The following SLCO6A1 variants were observed in gnomAD, a reference collection of about 807,000 sequenced individuals.
SLCO6A1 encodes the protein solute carrier organic anion transporter family member 6A1, also known as cancer/testis antigen 48.
SLCO6A1 carries 65 observed loss-of-function variants against 72.7 expected under a neutral mutation model. The ratio of observed to expected loss-of-function variants is 0.89; its 90% confidence interval spans 0.73 to 1.10. SLCO6A1 has a LOEUF of 1.10. SLCO6A1 is among the 50% of genes least tolerant of loss of function. The probability of loss-of-function intolerance (pLI) is 0.00; values close to 1 mark genes in which losing one functional copy is unlikely to be tolerated. For synonymous variants in SLCO6A1, 314 were observed against 298.2 expected (o/e 1.05, Z -0.55); for missense variants, 874 against 872.6 (o/e 1.00, Z -0.02).
intron 12 of SLCO6A1, among the ~76,000 whole-genome samples, chr5:102,383,564 A>G (rs901589074): frequency 6.6e-6 from 1 of 151,690 alleles, no homozygotes; most frequent in Non-Finnish European, 1.5e-5. Flanking sequence ...ATAATATATG[A>G]TCCTTTTAAA....
At chr5:102,471,481 T>C (rs552953550) in intron 4 of SLCO6A1, among the ~76,000 whole-genome samples, 1 of 152,224 alleles carries the variant, frequency 6.6e-6, no homozygotes, top group African/African-American at 2.4e-5. Flanking sequence ...ATTCACACGC[T>C]TAAATGTTTC....
chr5:102,376,295 C>T (rs7733501), intron 12 of SLCO6A1, among the ~76,000 whole-genome samples: 41,756 of 151,876 alleles, frequency 0.27, 5,749 homozygotes, highest in African/African-American at 0.31. Context: ...TCTTCAGGTG[C>T]CTATACTAGA....
At chr5:102,462,077 C>A (rs1049837394) in intron 4 of SLCO6A1, among the ~76,000 whole-genome samples, 3 of 152,028 alleles carry the variant, frequency 2.0e-5, no homozygotes, top group Non-Finnish European at 4.4e-5. Flanking sequence ...TGCTATACAC[C>A]GACAATATCC....
At chr5:102,492,687 C>G (rs190898182) in intron 1 of SLCO6A1, among the ~76,000 whole-genome samples, 11 of 152,312 alleles carry the variant, frequency 7.2e-5, no homozygotes, top group African/African-American at 2.6e-4. Flanking sequence ...CACTCCCACC[C>G]TAATACTGCG....
intron 1 of SLCO6A1, among the ~76,000 whole-genome samples, chr5:102,483,759 C>G (rs1385976379): frequency 6.6e-6 from 1 of 152,160 alleles, no homozygotes; most frequent in East Asian, 1.9e-4. Flanking sequence ...ATTGTTCCTA[C>G]TGGCAAAGAA....
At chr5:102,480,891 A>G (rs1487175348) in intron 1 of SLCO6A1, among the ~76,000 whole-genome samples, 1 of 152,206 alleles carries the variant, frequency 6.6e-6, no homozygotes, top group Non-Finnish European at 1.5e-5. Context: ...TCCTGTATTT[A>G]AAGTTTACCA....
At chr5:102,473,343 C>T (rs184044146) in intron 4 of SLCO6A1, among the ~76,000 whole-genome samples, 283 of 152,068 alleles carry the variant, frequency 1.9e-3, no homozygotes, top group African/African-American at 6.5e-3. Flanking sequence ...CAGTGTAATA[C>T]ACCACATTAA....
chr5:102,489,495 A>G (rs909835472), intron 1 of SLCO6A1, among the ~76,000 whole-genome samples: 1 of 152,228 alleles, frequency 6.6e-6, no homozygotes, highest in Admixed American at 6.5e-5. Flanking sequence ...AATGATCATC[A>G]GATCTATTTT....
intron 7 of SLCO6A1, among the ~76,000 whole-genome samples, chr5:102,423,466 G>T (rs1051586998): frequency 2.0e-5 from 3 of 151,906 alleles, no homozygotes; most frequent in East Asian, 1.9e-4. Context: ...AAAAAGCAGT[G>T]GTTGCAGTCC....
chr5:102,379,178 T>C (rs1425408217), intron 12 of SLCO6A1, among the ~76,000 whole-genome samples: 1 of 152,200 alleles, frequency 6.6e-6, no homozygotes, highest in Non-Finnish European at 1.5e-5. Context: ...TTTATTGATT[T>C]GTGGGAGTGC....
At chr5:102,448,141 T>C (rs923708575) in intron 6 of SLCO6A1, among the ~76,000 whole-genome samples, 1 of 152,246 alleles carries the variant, frequency 6.6e-6, no homozygotes, top group Non-Finnish European at 1.5e-5. Context: ...CAAAAGTCAC[T>C]CAGGAGCAGA....
intron 6 of SLCO6A1, among the ~76,000 whole-genome samples, chr5:102,446,732 C>T (rs981747115): frequency 1.8e-4 from 27 of 149,414 alleles, no homozygotes; most frequent in Middle Eastern, 3.4e-3. Context: ...TATGTACCTT[C>T]GATGCCTAGT....
At chr5:102,420,459 T>C (rs6596487) in intron 7 of SLCO6A1, among the ~76,000 whole-genome samples, 98,406 of 152,054 alleles carry the variant, frequency 0.65, 32,054 homozygotes, top group African/African-American at 0.67. Context: ...ATTAGTTCTA[T>C]GAATGAACGT....
At chr5:102,469,501 T>C (rs1751490140) in intron 4 of SLCO6A1, among the ~76,000 whole-genome samples, 1 of 152,206 alleles carries the variant, frequency 6.6e-6, no homozygotes. Flanking sequence ...TTTTTGCACA[T>C]TGATTTTGTA....
chr5:102,380,003 G>T (rs1357216002), intron 12 of SLCO6A1, among the ~76,000 whole-genome samples: 1 of 151,550 alleles, frequency 6.6e-6, no homozygotes, highest in Non-Finnish European at 1.5e-5. Context: ...TTATCATATT[G>T]TATTTTAATT....
At chr5:102,442,499 A>T (rs748485949) in intron 6 of SLCO6A1, among the ~76,000 whole-genome samples, 5 of 152,190 alleles carry the variant, frequency 3.3e-5, no homozygotes, top group Admixed American at 6.5e-5. Flanking sequence ...AATAAACATT[A>T]ATTTCTTAAT....
chr5:102,382,821 C>T (rs10058722), intron 12 of SLCO6A1, among the ~76,000 whole-genome samples: 97,305 of 150,348 alleles, frequency 0.65, 31,682 homozygotes, highest in African/African-American at 0.67. Flanking sequence ...TTTTAAATGC[C>T]GATTTTATCC....
chr5:102,455,601 C>A (rs1015552772), intron 6 of SLCO6A1, among the ~76,000 whole-genome samples: 8 of 152,078 alleles, frequency 5.3e-5, no homozygotes, highest in Admixed American at 1.3e-4. Context: ...TTCTAGAGTT[C>A]TCTTCTGAGT....
intron 7 of SLCO6A1, among the ~76,000 whole-genome samples, chr5:102,423,601 A>G (rs1307558856): frequency 6.6e-6 from 1 of 152,210 alleles, no homozygotes; most frequent in Non-Finnish European, 1.5e-5. Flanking sequence ...CACCCAATAC[A>G]AGAGCACCAA....
Sources: allele counts gnomAD v4.1 joint callset (sites outside exome capture counted in the v4.1 genomes callset), GRCh38; gene constraint gnomAD v4.1.1; transcripts MANE v1.5; gene names NCBI Gene and HGNC (gene_info 2026-07-23, HGNC 2026-07-21).